The following DDI2 variants were observed in gnomAD, a reference collection of about 807,000 sequenced individuals.
DDI2 encodes the protein DDI proteasomal shuttling factor 2.
Under a neutral mutation model 48.1 loss-of-function variants are expected in DDI2, and 5 were observed. The observed-to-expected ratio is 0.10, with a 90% CI of 0.05 to 0.22. DDI2 has a LOEUF of 0.22. DDI2 is among the 10% of genes least tolerant of loss of function. The pLI is 1.00. For missense variants in DDI2, 285 were observed against 506.2 expected (o/e 0.56, Z 4.19); for synonymous variants, 205 against 183.6 (o/e 1.12, Z -0.94).
At chr1:15,618,026 G>A (rs1461984781) in intron 1 of DDI2, among the ~76,000 whole-genome samples, 1 of 152,198 alleles carries the variant, frequency 6.6e-6, no homozygotes, top group Admixed American at 6.5e-5. Context: ...GAGAGGGAGC[G>A]GAGAACCTGA....
chr1:15,652,057 C>CGTTTTTTTTTTTT (rs1640192855), intron 8 of DDI2, among the ~76,000 whole-genome samples, 162 bp downstream of exon 8: 1 of 119,130 alleles, frequency 8.4e-6, no homozygotes, highest in African/African-American at 4.7e-5. Context: ...CTTTGATCTT[C>CGTTTTTTTTTTTT]CTTTTTTTTT....
At chr1:15,650,753 A>G (rs1229792229) in intron 7 of DDI2, among the ~76,000 whole-genome samples, 1 of 152,244 alleles carries the variant, frequency 6.6e-6, no homozygotes, top group Non-Finnish European at 1.5e-5. Context: ...GTTAAAAACA[A>G]TTGAAAATAT....
Position 15,651,834 on chromosome 1 carries a change from G to T in DDI2, c.1122G>T (p.Arg374=), listed in dbSNP as rs1224585674. 6.2e-7 allele frequency: 1 copy of T among 1,613,998 alleles called. No individual in the cohort carries two copies. The highest frequency in any genetic ancestry group is 8.5e-7 in the Non-Finnish European group (1 of 1,179,950). The change falls in exon 8 of 10, where the codon CGG becomes CGT. Residue 374 remains arginine, a synonymous_variant. Coordinates refer to ENST00000480945, the MANE Select transcript of DDI2 (RefSeq NM_032341.5). ...ATGGGGCTGGAAGAGAGGATGTACG[G>T]CCAGAGGAGATTGCAGACCAAGAAT... ...LAYGAGREDV[R]PEEIADQELA... is the part of the protein sequence containing the mutation.
At position 15,652,058 on chromosome 1, in the gene DDI2, C is replaced by CTTTTTTTTTTTTTTTTTTTTTTTTTTTTT. The variant is rs772990709; in HGVS notation, c.1183+187_1183+188insTTTTTTTTTTTTTTTTTTTTTTTTTTTTT. Reference sequence around the variant, plus strand: ...TTCTTAACCTCCTTCTTTGATCTTCCTTTTTTTTTTTTTTTTTTTTTTTTG... The same window carrying CTTTTTTTTTTTTTTTTTTTTTTTTTTTTT: ...TTCTTAACCTCCTTCTTTGATCTTCCTTTTTTTTTTTTTTTTTTTTTTTTTTTTTTTTTTTTTTTTTTTTTTTTTTTTTG... On this transcript the variant is annotated intron_variant, in intron 8 of 9. Coordinates refer to ENST00000480945, the MANE Select transcript of DDI2 (RefSeq NM_032341.5). 9.2e-5 allele frequency among the ~76,000 whole-genome samples: 7 copies of CTTTTTTTTTTTTTTTTTTTTTTTTTTTTT among 75,978 alleles called. 1 individual carries two copies. The highest frequency in any genetic ancestry group is 4.6e-4 in the African/African-American group (7 of 15,222). 49.8% of individuals were successfully genotyped at this position (75,978 alleles called of 152,430 possible).
At chr1:15,626,869 TTTTGGATTCGC>T (rs1486376697) in intron 2 of DDI2, 71 bp downstream of exon 2, 23 of 1,592,450 alleles carry the variant, frequency 1.4e-5, no homozygotes, top group Non-Finnish European at 5.1e-6. Context: ...CACCTCAGAG[TTTTGGATTCGC>T]TTTGGATTCA....
chr1:15,642,824 T>G (rs1640031061), intron 5 of DDI2, among the ~76,000 whole-genome samples: 1 of 152,094 alleles, frequency 6.6e-6, no homozygotes, highest in African/African-American at 2.4e-5. Flanking sequence ...TCCCAGCACT[T>G]TGGGAGGCCG....
intron 9 of DDI2, chr1:15,656,892 C>T: frequency 1.8e-6 from 1 of 544,330 alleles, no homozygotes; most frequent in African/African-American, 1.9e-5. Context: ...TTATTAGAAC[C>T]ATCCAACAGG....
In DDI2 at chr1:15,660,951, A is replaced by G; in HGVS notation, c.*1161A>G. ...CGGCAGCCTTGAAAGAACTTCATGA[A>G]CTTTTGGTTGTTAGCAGTAAACCAG... On this transcript the variant is annotated 3_prime_UTR_variant, in exon 10 of 10. Coordinates refer to ENST00000480945, the MANE Select transcript of DDI2 (RefSeq NM_032341.5). 1 of 1,613,330 alleles carries G rather than the reference A, an allele frequency of 6.2e-7. No homozygotes were observed. The highest frequency in any genetic ancestry group is 1.1e-5 in the South Asian group (1 of 90,932).
Position 15,648,256 on chromosome 1 carries a change from TAGG to T in DDI2, c.890-1458_890-1456del, listed in dbSNP as rs1487089721. Among the ~76,000 whole-genome samples the T allele has an allele frequency of 3.9e-5, 6 of 152,090 alleles. 1 individual carries two copies. The South Asian group carries it at 1.0e-3, about 26-fold the overall frequency. Reference sequence around the variant, plus strand: ...TTGATGACTTTAAATGAGAAGATAATAGGAGGAGACAAAATAAGTACCAAGCTC... The same window carrying T: ...TTGATGACTTTAAATGAGAAGATAATAGGAGACAAAATAAGTACCAAGCTC... On this transcript the variant is annotated intron_variant, in intron 6 of 9. Coordinates refer to ENST00000480945, the MANE Select transcript of DDI2 (RefSeq NM_032341.5).
intron 1 of DDI2, among the ~76,000 whole-genome samples, chr1:15,620,900 G>T (rs542413231): frequency 1.3e-5 from 2 of 152,338 alleles, no homozygotes; most frequent in African/African-American, 2.4e-5. Context: ...CACCGTTAAA[G>T]AATTGTCTTG....
chr1:15,623,384 CTTCT>C (rs1317289014), intron 1 of DDI2, among the ~76,000 whole-genome samples: 2 of 116,282 alleles, frequency 1.7e-5, no homozygotes, highest in South Asian at 2.6e-4. Flanking sequence ...CAGTTTTCTT[CTTCT>C]TTTTTTTTTT....
chr1:15,660,188 C>T lies in DDI2; in HGVS notation c.*398C>T. On this transcript the variant is annotated 3_prime_UTR_variant, in exon 10 of 10. Coordinates refer to ENST00000480945, the MANE Select transcript of DDI2 (RefSeq NM_032341.5). ...AATTCATCCGAAGAAATAACTGTTG[C>T]AGGTAATCTGGAGAAATCTGCTGAA... is the stretch of plus-strand genomic sequence containing the variant. The T allele has an allele frequency of 6.2e-7, 1 of 1,614,214 alleles. No homozygotes were observed. Among genetic ancestry groups the T allele is most frequent in the Non-Finnish European group, 8.5e-7 (1 of 1,180,044 alleles).
At chr1:15,621,619 C>G (rs553356367) in intron 1 of DDI2, among the ~76,000 whole-genome samples, 16 of 152,264 alleles carry the variant, frequency 1.1e-4, no homozygotes, top group African/African-American at 3.6e-4. Flanking sequence ...CTCCTGACCT[C>G]GGATGATCTG....
intron 4 of DDI2, among the ~76,000 whole-genome samples, chr1:15,636,729 G>A (rs1456405235): frequency 6.6e-6 from 1 of 152,180 alleles, no homozygotes; most frequent in Non-Finnish European, 1.5e-5. Flanking sequence ...CAAAGTGCTG[G>A]GATTATAGGC....
At chr1:15,642,279 G>A (rs752029103) in intron 5 of DDI2, among the ~76,000 whole-genome samples, 10 of 152,282 alleles carry the variant, frequency 6.6e-5, no homozygotes, top group Middle Eastern at 3.4e-3. Flanking sequence ...CCAACCCGCC[G>A]TGTACATGTT....
chr1:15,625,216 C>G (rs1239026077), intron 1 of DDI2, among the ~76,000 whole-genome samples: 7 of 152,184 alleles, frequency 4.6e-5, no homozygotes, highest in Admixed American at 3.9e-4. Context: ...TAATGATGAT[C>G]TAGCCCACCT....
In DDI2 at chr1:15,662,360, A is replaced by T. The variant is rs1273194916; in HGVS notation, c.*2570A>T. Reference sequence around the variant, plus strand: ...TTAATAGGGCGAGCAGGAGGGTTTAAATCTTGGGCTACTTTGTGCATCACA... The same window carrying T: ...TTAATAGGGCGAGCAGGAGGGTTTATATCTTGGGCTACTTTGTGCATCACA... On this transcript the variant is annotated 3_prime_UTR_variant, in exon 10 of 10. Coordinates refer to ENST00000480945, the MANE Select transcript of DDI2 (RefSeq NM_032341.5). 1 of 152,222 alleles carries T rather than the reference A, an allele frequency of 6.6e-6. No homozygotes were observed. Among genetic ancestry groups the T allele is most frequent in the Non-Finnish European group, 1.5e-5 (1 of 68,052 alleles). 9.4% of individuals were successfully genotyped at this position (152,222 alleles called of 1,614,324 possible). A position where few individuals can be genotyped will look rare whatever the true frequency, so the allele number is the denominator to read the frequency against.
At chr1:15,642,361 G>A (rs1334730614) in intron 5 of DDI2, among the ~76,000 whole-genome samples, 3 of 152,214 alleles carry the variant, frequency 2.0e-5, no homozygotes, top group Admixed American at 6.5e-5. Context: ...AGCAGAGTAT[G>A]GGAGTCCACT....
chr1:15,651,902 G>A lies in DDI2; in HGVS notation c.1183+7G>A, dbSNP rs557434545. ...AAATCAGCAGAGGATGCAGGTATTT[G>A]GGATGGCCAAACTCTTCAATACTTG... On this transcript the variant is annotated splice_region_variant and intron_variant, in intron 8 of 9. Transcript: ENST00000480945. 1.2e-6 allele frequency: 2 copies of A among 1,612,396 alleles called. No homozygotes were observed. Among genetic ancestry groups the A allele is most frequent in the African/African-American group, 1.3e-5 (1 of 74,960 alleles).
Sources: allele counts gnomAD v4.1 joint callset (sites outside exome capture counted in the v4.1 genomes callset), GRCh38; gene constraint gnomAD v4.1.1; transcripts MANE v1.5; gene names NCBI Gene and HGNC (gene_info 2026-07-23, HGNC 2026-07-21).